PCSK2: variants seen among roughly 807,000 people sequenced by gnomAD.
PCSK2 encodes proprotein convertase subtilisin/kexin type 2, also known as neuroendocrine convertase 2.
PCSK2 carries 14 observed loss-of-function variants against 69.7 expected under a neutral mutation model. The observed-to-expected ratio is 0.20, with a 90% CI of 0.13 to 0.31. The LOEUF (loss-of-function observed/expected upper bound fraction) is 0.31, where lower values mean the gene tolerates loss of function less well. Among genes scored for constraint, PCSK2 ranks in the 10% least tolerant of loss-of-function variants. PCSK2 has a pLI of 1.00. For synonymous variants in PCSK2, 307 were observed against 320.7 expected (o/e 0.96, Z 0.46); for missense variants, 544 against 842.5 (o/e 0.65, Z 4.39).
intron 5 of PCSK2, among the ~76,000 whole-genome samples, chr20:17,399,360 T>C (rs1245793378): frequency 1.3e-5 from 2 of 152,252 alleles, no homozygotes; most frequent in Non-Finnish European, 2.9e-5. Context: ...GGTGTTATTA[T>C]TTACCTAGTA....
chr20:17,340,109 C>T (rs1263993724), intron 2 of PCSK2, among the ~76,000 whole-genome samples: 1 of 152,176 alleles, frequency 6.6e-6, no homozygotes, highest in East Asian at 1.9e-4. Flanking sequence ...GAAAACCCAC[C>T]CTTTACTTCT....
intron 2 of PCSK2, among the ~76,000 whole-genome samples, chr20:17,275,400 A>T (rs1414648858): frequency 6.6e-6 from 1 of 152,066 alleles, no homozygotes; most frequent in Non-Finnish European, 1.5e-5. Context: ...GTAACCACTT[A>T]GTTTTATGGT....
chr20:17,322,831 A>G (rs1989915095), intron 2 of PCSK2, among the ~76,000 whole-genome samples: 1 of 152,108 alleles, frequency 6.6e-6, no homozygotes, highest in South Asian at 2.1e-4. Context: ...TGACTTAATC[A>G]CTTTCCAAAA....
chr20:17,256,894 A>G (rs1446123389), intron 1 of PCSK2, among the ~76,000 whole-genome samples: 1 of 152,096 alleles, frequency 6.6e-6, no homozygotes, highest in Admixed American at 6.6e-5. Flanking sequence ...TTCCTCTGTT[A>G]GTTGACTGAG....
chr20:17,361,908 A>G (rs1446688434), intron 4 of PCSK2, among the ~76,000 whole-genome samples: 1 of 152,158 alleles, frequency 6.6e-6, no homozygotes, highest in East Asian at 1.9e-4. Flanking sequence ...AACTGTTCCA[A>G]AGGGGTTCAG....
rs1491029840 is a variant in PCSK2 at position 17,347,968 on chromosome 20, A to AG, written c.283-10359_283-10358insG. Among the ~76,000 whole-genome samples, 2 of 60,316 alleles carry AG rather than the reference A, an allele frequency of 3.3e-5. 1 individual carries two copies. Among genetic ancestry groups the AG allele is most frequent in the African/African-American group, 1.0e-4 (2 of 20,026 alleles). The allele number at this position is 60,316 out of a possible 152,430, so 39.6% of individuals were successfully genotyped here. ...AGAAAGAAAGAAAGAAAGAGAAAGA[A>AG]AGAAAGAAAGAAAGAGGAGAGAGAA... is the stretch of plus-strand genomic sequence containing the variant. On this transcript the variant is annotated intron_variant, in intron 2 of 11. Coordinates refer to ENST00000262545, the MANE Select transcript of PCSK2 (RefSeq NM_002594.5).
chr20:17,287,431 CTGTGTGTGTGTG>C (rs67695913), intron 2 of PCSK2, among the ~76,000 whole-genome samples: 2 of 145,928 alleles, frequency 1.4e-5, no homozygotes, highest in African/African-American at 5.1e-5. Flanking sequence ...ATGTGCGTGT[CTGTGTGTGTGTG>C]TGTGTGTGTG....
At chr20:17,235,556 T>TTTGCAAAAC (rs1986308101) in intron 1 of PCSK2, among the ~76,000 whole-genome samples, 1 of 152,148 alleles carries the variant, frequency 6.6e-6, no homozygotes, top group African/African-American at 2.4e-5. Context: ...GTTTAAAACA[T>TTTGCAAAAC]TTGCAAAGTG....
chr20:17,304,741 T>G (rs779256413), intron 2 of PCSK2, among the ~76,000 whole-genome samples: 28 of 152,232 alleles, frequency 1.8e-4, no homozygotes, highest in Admixed American at 7.2e-4. Context: ...ACAATTGAGC[T>G]TATGATTCAG....
At chr20:17,303,273 A>T (rs976727044) in intron 2 of PCSK2, among the ~76,000 whole-genome samples, 27 of 140,070 alleles carry the variant, frequency 1.9e-4, no homozygotes, top group African/African-American at 7.1e-4. Flanking sequence ...TAGTATAACC[A>T]TATATGTCTA....
intron 6 of PCSK2, among the ~76,000 whole-genome samples, chr20:17,424,628 G>T (rs2032204906): frequency 6.6e-6 from 1 of 151,758 alleles, no homozygotes; most frequent in African/African-American, 2.4e-5. Context: ...GAGTAGCTGA[G>T]ATTACAGGCA....
At chr20:17,426,837 A>G (rs2032258311) in intron 6 of PCSK2, among the ~76,000 whole-genome samples, 1 of 152,256 alleles carries the variant, frequency 6.6e-6, no homozygotes, top group Non-Finnish European at 1.5e-5. Context: ...TGCTCTAGTC[A>G]ATGTCCACAA....
At chr20:17,301,796 T>C (rs1381132964) in intron 2 of PCSK2, among the ~76,000 whole-genome samples, 9 of 152,094 alleles carry the variant, frequency 5.9e-5, no homozygotes, top group African/African-American at 2.2e-4. Flanking sequence ...CCAGGCGTGG[T>C]GGTGCACACC....
At chr20:17,246,180 T>C (rs1986764923) in intron 1 of PCSK2, among the ~76,000 whole-genome samples, 1 of 152,190 alleles carries the variant, frequency 6.6e-6, no homozygotes, top group Non-Finnish European at 1.5e-5. Context: ...CTTTCCAGCA[T>C]ACCAAGATAA....
intron 2 of PCSK2, among the ~76,000 whole-genome samples, chr20:17,347,481 G>A (rs1990680830): frequency 6.6e-6 from 1 of 152,038 alleles, no homozygotes; most frequent in African/African-American, 2.4e-5. Flanking sequence ...TCGCTTTTGG[G>A]GGTTTCTCGC....
At chr20:17,434,127 C>T (rs78665276) in intron 7 of PCSK2, among the ~76,000 whole-genome samples, 2,120 of 146,868 alleles carry the variant, frequency 0.014, 51 homozygotes, top group African/African-American at 0.051. Flanking sequence ...CTCCCTTTCT[C>T]TCTACCTGTT....
At chr20:17,286,053 C>G (rs1291610183) in intron 2 of PCSK2, among the ~76,000 whole-genome samples, 1 of 152,150 alleles carries the variant, frequency 6.6e-6, no homozygotes, top group African/African-American at 2.4e-5. Flanking sequence ...CAAAAAAATG[C>G]ATAAATGTAA....
intron 2 of PCSK2, among the ~76,000 whole-genome samples, chr20:17,351,038 TAAAAAAA>T (rs11471979): frequency 7.5e-6 from 1 of 134,152 alleles, no homozygotes; most frequent in South Asian, 2.4e-4. Context: ...AGACTTCATC[TAAAAAAA>T]AAAAAAAAAA....
At chr20:17,289,598 A>T (rs1600453924) in intron 2 of PCSK2, among the ~76,000 whole-genome samples, 1 of 152,338 alleles carries the variant, frequency 6.6e-6, no homozygotes, top group Middle Eastern at 3.4e-3. Flanking sequence ...TGTATCTATC[A>T]ATATATATAT....
Sources: gnomAD v4.1 joint callset for allele counts (sites outside exome capture counted in the v4.1 genomes callset) on GRCh38, gnomAD v4.1.1 for gene constraint, MANE v1.5 for transcripts, NCBI Gene and HGNC (gene_info 2026-07-23, HGNC 2026-07-21) for gene names.